PRKAA2: variants seen among roughly 807,000 people sequenced by gnomAD.
The protein encoded by PRKAA2 is 5'-AMP-activated protein kinase catalytic subunit alpha-2.
In PRKAA2, 40 loss-of-function variants were observed where a neutral mutation model predicts 56.3. The observed-to-expected ratio is 0.71, with a 90% CI of 0.55 to 0.92. The LOEUF (loss-of-function observed/expected upper bound fraction) is 0.92. Among genes scored for constraint, PRKAA2 ranks in the 40% least tolerant of loss-of-function variants. PRKAA2 has a pLI of 0.00. For synonymous variants in PRKAA2, 214 were observed against 234.2 expected (o/e 0.91, Z 0.79); for missense variants, 542 against 686.9 (o/e 0.79, Z 2.36).
chr1:56,695,962 C>T lies in PRKAA2; in HGVS notation c.591C>T (p.Ile197=). The change falls in exon 6 of 9, where the codon ATC becomes ATT. Residue 197 remains isoleucine (I), a synonymous_variant. Transcript: ENST00000371244. ...GRLYAGPEVD[I]WSCGVILYAL... ...TGTATGCAGGTCCTGAAGTTGATAT[C>T]TGGAGCTGTGGTGTTATCTTGTATG... 1 of 1,612,386 alleles carries T rather than the reference C, an allele frequency of 6.2e-7. No individual in the cohort carries two copies. The highest frequency in any genetic ancestry group is 8.5e-7 in the Non-Finnish European group (1 of 1,179,722).
At chr1:56,707,244 G>A (rs1435616688) in intron 8 of PRKAA2, among the ~76,000 whole-genome samples, 1 of 152,130 alleles carries the variant, frequency 6.6e-6, no homozygotes, top group East Asian at 1.9e-4. Context: ...ATTTGAGCAG[G>A]ACTTAGGGGC....
intron 3 of PRKAA2, 98 bp downstream of exon 3, chr1:56,691,585 T>C: frequency 1.1e-6 from 1 of 926,388 alleles, no homozygotes; most frequent in Non-Finnish European, 1.5e-6. Context: ...AGGTTGAAGT[T>C]GCTTTTATGG....
chr1:56,703,058 A>G (rs1230030769), intron 6 of PRKAA2, among the ~76,000 whole-genome samples: 2 of 152,216 alleles, frequency 1.3e-5, no homozygotes, highest in Non-Finnish European at 2.9e-5. Flanking sequence ...TAATGCCTAA[A>G]CAATCTCGAA....
At chr1:56,660,521 C>T (rs1643985937) in intron 1 of PRKAA2, among the ~76,000 whole-genome samples, 1 of 152,032 alleles carries the variant, frequency 6.6e-6, no homozygotes, top group Non-Finnish European at 1.5e-5. Context: ...ATGCATTGTC[C>T]CTCCCTCCTT....
intron 1 of PRKAA2, among the ~76,000 whole-genome samples, chr1:56,659,734 C>G (rs1412946214): frequency 1.3e-5 from 2 of 151,750 alleles, no homozygotes; most frequent in African/African-American, 4.8e-5. Flanking sequence ...ATGGCGAAAC[C>G]CCATCTCAAC....
intron 1 of PRKAA2, among the ~76,000 whole-genome samples, chr1:56,655,298 T>TTTTTG (rs1643933280): frequency 1.1e-5 from 1 of 95,116 alleles, no homozygotes; most frequent in Admixed American, 1.1e-4. Context: ...TTTTTTTTTG[T>TTTTTG]AGAGACAGGG....
In PRKAA2 at chr1:56,704,163, CA is replaced by C; in HGVS notation, c.982del (p.Ile328LeufsTer6). 6.2e-7 allele frequency: 1 copy of C among 1,614,116 alleles called. No homozygotes were observed. The highest frequency in any genetic ancestry group is 8.5e-7 in the Non-Finnish European group (1 of 1,179,986). On this transcript the variant is annotated frameshift_variant, in exon 7 of 9. Transcript: ENST00000371244. LOFTEE classifies it high-confidence loss of function. ...DQLAVAYHLIIDNRRIMNQAS... is the reference protein window; with the variant it reads ...DQLAVAYHLIXDNRRIMNQAS... ...AGCTTGCAGTGGCTTATCATCTTAT[CA>C]TTGACAATCGGAGAATAATGAACCA...
intron 1 of PRKAA2, among the ~76,000 whole-genome samples, chr1:56,660,758 T>C (rs1415805839): frequency 6.6e-6 from 1 of 152,214 alleles, no homozygotes; most frequent in Non-Finnish European, 1.5e-5. Flanking sequence ...TTTGCTCACT[T>C]GTAAATAGGG....
chr1:56,665,393 G>A (rs891069262), intron 1 of PRKAA2, among the ~76,000 whole-genome samples: 1 of 152,094 alleles, frequency 6.6e-6, no homozygotes, highest in African/African-American at 2.4e-5. Flanking sequence ...CCTTTCTAAA[G>A]TACAATGTAC....
rs528241208 is a variant in PRKAA2, at chr1:56,675,600, TA to T, written c.236+1081del. 1.3e-3 allele frequency among the ~76,000 whole-genome samples: 192 copies of T among 152,276 alleles called. 3 individuals carry two copies. Among genetic ancestry groups the T allele is most frequent in the Non-Finnish European group, 1.2e-3 (85 of 68,016 alleles). On this transcript the variant is annotated intron_variant, in intron 2 of 8. Coordinates refer to ENST00000371244, the MANE Select transcript of PRKAA2 (RefSeq NM_006252.4). ...GTTTTTCTTAAAACTGAGAGTTATA[TA>T]AATTCCTTTTAAAGAAAAAATAAAT... is the stretch of plus-strand genomic sequence containing the variant.
At chr1:56,687,174 G>A (rs1369687221) in intron 2 of PRKAA2, among the ~76,000 whole-genome samples, 2 of 151,942 alleles carry the variant, frequency 1.3e-5, no homozygotes, top group African/African-American at 2.4e-5. Flanking sequence ...ATGAGCCACC[G>A]CACCTGGCCA....
intron 6 of PRKAA2, among the ~76,000 whole-genome samples, chr1:56,698,865 A>G (rs544991578): frequency 6.6e-6 from 1 of 152,260 alleles, no homozygotes; most frequent in Admixed American, 6.5e-5. Flanking sequence ...GGTGCTGGTA[A>G]TATAGTGGTA....
chr1:56,649,573 G>A (rs1646670644), intron 1 of PRKAA2, among the ~76,000 whole-genome samples: 1 of 152,112 alleles, frequency 6.6e-6, no homozygotes, highest in Non-Finnish European at 1.5e-5. Flanking sequence ...TAGATAAATG[G>A]TTATAAAAAC....
At position 56,688,967 on chromosome 1, in the gene PRKAA2, C is replaced by A. The variant is rs183684031; in HGVS notation, c.237-2427C>A. ...AAGTGCTTAGTAACGTTATGATTTT[C>A]ATTGCTCTAGACTGGCCTTTAGTGT... On this transcript the variant is annotated intron_variant, in intron 2 of 8. Transcript: ENST00000371244. Among the ~76,000 whole-genome samples, 133 of 152,288 alleles carry A rather than the reference C, an allele frequency of 8.7e-4. 2 individuals are homozygous for A. Among genetic ancestry groups the A allele is most frequent in the Non-Finnish European group, 8.7e-4 (59 of 68,014 alleles).
rs139946420 is a variant in PRKAA2 at position 56,690,257 on chromosome 1, G to A, written c.237-1137G>A. ...TGGCTCACCGCAAGCTCTGCCTCCCGGGTTCACGCCATTCTCCTGCCTCAG... is the reference window on the plus strand; with the variant it reads ...TGGCTCACCGCAAGCTCTGCCTCCCAGGTTCACGCCATTCTCCTGCCTCAG... On this transcript the variant is annotated intron_variant, in intron 2 of 8. Coordinates refer to ENST00000371244, the MANE Select transcript of PRKAA2 (RefSeq NM_006252.4). Among the ~76,000 whole-genome samples the A allele has an allele frequency of 2.2e-3, 328 of 150,610 alleles. 1 individual carries two copies. Among genetic ancestry groups the A allele is most frequent in the African/African-American group, 7.4e-3 (302 of 40,894 alleles).
chr1:56,687,002 A>C (rs1644195817), intron 2 of PRKAA2, among the ~76,000 whole-genome samples: 1 of 151,232 alleles, frequency 6.6e-6, no homozygotes, highest in Non-Finnish European at 1.5e-5. Flanking sequence ...CTCGTACCTC[A>C]GTCTCCCTAG....
At position 56,703,978 on chromosome 1, in the gene PRKAA2, G is replaced by T; in HGVS notation, c.796G>T (p.Glu266Ter). 1 of 1,604,280 alleles carries T rather than the reference G, an allele frequency of 6.2e-7. No individual in the cohort carries two copies. Among genetic ancestry groups the T allele is most frequent in the South Asian group, 1.1e-5 (1 of 88,646 alleles). The change falls in exon 7 of 9, where the codon GAA becomes TAA. Residue 266 changes from glutamate (E) to a stop codon, truncating the protein, a stop_gained. Transcript: ENST00000371244. LOFTEE classifies it high-confidence loss of function. ...RATIKDIREH[E>*]WFKQDLPSYL... ...TTGTGGTGTTTTTCCTAGAGAGCATGAATGGTTTAAACAAGATTTGCCCAG... is the reference window on the plus strand; with the variant it reads ...TTGTGGTGTTTTTCCTAGAGAGCATTAATGGTTTAAACAAGATTTGCCCAG...
chr1:56,670,658 C>A (rs948696607), intron 1 of PRKAA2, among the ~76,000 whole-genome samples: 1 of 152,168 alleles, frequency 6.6e-6, no homozygotes, highest in African/African-American at 2.4e-5. Context: ...GGGGGACAAC[C>A]AGCAGTGTAA....
intron 6 of PRKAA2, among the ~76,000 whole-genome samples, chr1:56,697,817 TA>T (rs143567357): frequency 0.08 from 11,941 of 150,154 alleles, 914 homozygotes; most frequent in African/African-American, 0.2. Context: ...TTTTTTTTAT[TA>T]AAAAAAAAGT....
Sources: gnomAD v4.1 joint callset for allele counts (sites outside exome capture counted in the v4.1 genomes callset) on GRCh38, gnomAD v4.1.1 for gene constraint, MANE v1.5 for transcripts, NCBI Gene and HGNC (gene_info 2026-07-23, HGNC 2026-07-21) for gene names.